CACNG2: variants seen among roughly 807,000 people sequenced by gnomAD.
CACNG2 encodes the protein calcium voltage-gated channel auxiliary subunit gamma 2.
CACNG2 carries 3 observed loss-of-function variants against 25.9 expected under a neutral mutation model. The ratio of observed to expected loss-of-function variants is 0.12; its 90% CI spans 0.05 to 0.30. The LOEUF (loss-of-function observed/expected upper bound fraction) is 0.30. CACNG2 is among the 10% of genes least tolerant of loss of function. The pLI is 1.00. For synonymous variants in CACNG2, 167 were observed against 173.3 expected, an observed-to-expected ratio of 0.96 and a Z score of 0.29; for missense variants, 341 against 432.5, an observed-to-expected ratio of 0.79 and a Z score of 1.88.
chr22:36,638,273 G>A (rs561689788), intron 1 of CACNG2, among the ~76,000 whole-genome samples: 11 of 152,264 alleles, frequency 7.2e-5, no homozygotes, highest in African/African-American at 2.6e-4. Context: ...CACAGAACAG[G>A]AGCAGATTGA....
intron 1 of CACNG2, among the ~76,000 whole-genome samples, chr22:36,605,379 C>T (rs893360600): frequency 2.0e-5 from 3 of 152,210 alleles, no homozygotes; most frequent in Admixed American, 6.5e-5. Context: ...CCGGCCCCAA[C>T]ATAACTTTTA....
chr22:36,583,442 A>G (rs5995313), intron 2 of CACNG2, among the ~76,000 whole-genome samples: 85,646 of 142,340 alleles, frequency 0.6, 25,191 homozygotes, highest in Middle Eastern at 0.68. Flanking sequence ...CAAAAAAAAA[A>G]GAAAAAAAAA....
intron 2 of CACNG2, among the ~76,000 whole-genome samples, chr22:36,581,986 C>T (rs568764836): frequency 1.4e-4 from 22 of 152,312 alleles, no homozygotes; most frequent in African/African-American, 4.8e-4. Context: ...TCCTTTGTCT[C>T]GAAATCCACA....
chr22:36,629,596 C>T (rs960355812), intron 1 of CACNG2, among the ~76,000 whole-genome samples: 1 of 151,652 alleles, frequency 6.6e-6, no homozygotes, highest in African/African-American at 2.4e-5. Context: ...CAGACCTGAA[C>T]TTGAAGGACA....
At chr22:36,643,492 CTAT>C (rs1936474466) in intron 1 of CACNG2, among the ~76,000 whole-genome samples, 1 of 151,544 alleles carries the variant, frequency 6.6e-6, no homozygotes, top group Admixed American at 6.6e-5. Context: ...ATCTATCTAT[CTAT>C]CTATCTATCT....
intron 2 of CACNG2, among the ~76,000 whole-genome samples, chr22:36,569,922 GGAAA>G (rs1273173590): frequency 2.6e-5 from 4 of 152,350 alleles, no homozygotes; most frequent in East Asian, 1.9e-4. Context: ...GAAGAGAGAA[GGAAA>G]GAAAGAAAGA....
intron 2 of CACNG2, among the ~76,000 whole-genome samples, chr22:36,583,442 AG>A (rs1935453807): frequency 7.0e-6 from 1 of 142,484 alleles, no homozygotes. Flanking sequence ...CAAAAAAAAA[AG>A]AAAAAAAAAA....
intron 1 of CACNG2, among the ~76,000 whole-genome samples, chr22:36,696,799 A>G (rs752107735): frequency 4.6e-5 from 7 of 152,204 alleles, no homozygotes; most frequent in Non-Finnish European, 7.3e-5. Flanking sequence ...GAGGACAGAC[A>G]TCCATTCATT....
intron 1 of CACNG2, among the ~76,000 whole-genome samples, chr22:36,660,943 ATG>A (rs1384712117): frequency 2.0e-5 from 3 of 152,230 alleles, no homozygotes; most frequent in African/African-American, 7.2e-5. Context: ...ACAGGATTAA[ATG>A]AGATACAGTG....
rs1935830377 is a variant in CACNG2, at chr22:36,606,206, TGA to T, written c.212-18660_212-18659del. Among the ~76,000 whole-genome samples the T allele has an allele frequency of 6.6e-6, 1 of 152,202 alleles. No homozygotes were observed. Among genetic ancestry groups the T allele is most frequent in the African/African-American group, 2.4e-5 (1 of 41,456 alleles). On this transcript the variant is annotated intron_variant, in intron 1 of 3. Coordinates refer to ENST00000300105, the MANE Select transcript of CACNG2 (RefSeq NM_006078.5). The surrounding 1 kb of genome is among the most constrained non-coding windows in gnomAD (Gnocchi z 5.7). ...AGACGGATTCCCCGTCCCCCAGAGC[TGA>T]GTCTTGAGAGGACCCTAGACAAATA...
At chr22:36,591,234 G>A (rs1466683749) in intron 1 of CACNG2, among the ~76,000 whole-genome samples, 1 of 152,110 alleles carries the variant, frequency 6.6e-6, no homozygotes, top group Non-Finnish European at 1.5e-5. Context: ...GTAGAGACGG[G>A]GTTTCACTGT....
At chr22:36,687,639 A>T (rs1937218377) in intron 1 of CACNG2, among the ~76,000 whole-genome samples, 1 of 152,196 alleles carries the variant, frequency 6.6e-6, no homozygotes, top group Admixed American at 6.5e-5. Flanking sequence ...GCCACATTGC[A>T]TGGGAAAGGG....
chr22:36,629,060 C>G (rs980266878), intron 1 of CACNG2, among the ~76,000 whole-genome samples: 1 of 152,038 alleles, frequency 6.6e-6, no homozygotes, highest in African/African-American at 2.4e-5. Flanking sequence ...GGCTCCAGTT[C>G]CAAAATGATT....
In CACNG2 at chr22:36,602,490, A is replaced by T. The variant is rs547208492; in HGVS notation, c.212-14942T>A. Among the ~76,000 whole-genome samples, 9 of 152,100 alleles carry T rather than the reference A, an allele frequency of 5.9e-5. No homozygotes were observed. In the South Asian group the frequency reaches 1.9e-3, roughly 32 times the overall value. On this transcript the variant is annotated intron_variant, in intron 1 of 3. Coordinates refer to ENST00000300105, the MANE Select transcript of CACNG2 (RefSeq NM_006078.5). ...AACCTTTGCCTCCTAGGTTCAAGCG[A>T]TTCTCTTGCCTCAGCTAGCCGAGTA...
intron 1 of CACNG2, among the ~76,000 whole-genome samples, chr22:36,680,196 C>T (rs1405755903): frequency 6.6e-6 from 1 of 151,748 alleles, no homozygotes; most frequent in Admixed American, 6.6e-5. Context: ...CCATCACTAC[C>T]ACCACCATCA....
intron 1 of CACNG2, among the ~76,000 whole-genome samples, chr22:36,643,161 C>T (rs1180621202): frequency 2.0e-5 from 3 of 147,374 alleles, no homozygotes; most frequent in African/African-American, 5.0e-5. Flanking sequence ...CTTTTTCCTT[C>T]CTTCCTTCTT....
chr22:36,594,371 C>A (rs974141688), intron 1 of CACNG2, among the ~76,000 whole-genome samples: 2 of 152,242 alleles, frequency 1.3e-5, no homozygotes, highest in African/African-American at 4.8e-5. Context: ...AATTGTTCAG[C>A]TATCATTTAT....
rs1317368407 is a variant in CACNG2 at position 36,703,040 on chromosome 22, CTG to C, written c.-466_-465del. 1 of 159,490 alleles carries C rather than the reference CTG, an allele frequency of 6.3e-6. No individual in the cohort carries two copies. The highest frequency in any genetic ancestry group is 1.4e-5 in the Non-Finnish European group (1 of 73,296). 9.9% of individuals were successfully genotyped at this position (159,490 alleles called of 1,614,324 possible). ...TGGTCGGGACCTAGACAGTTAGAGA[CTG>C]TGAGAGCCGAGATGCAACCTTCGGT... On this transcript the variant is annotated 5_prime_UTR_variant, in exon 1 of 4. The change creates a premature stop within an existing upstream ORF in the 5' untranslated region. Transcript: ENST00000300105.
intron 2 of CACNG2, among the ~76,000 whole-genome samples, chr22:36,580,579 G>C (rs1255918703): frequency 1.3e-5 from 2 of 152,064 alleles, no homozygotes; most frequent in African/African-American, 4.8e-5. Flanking sequence ...CCCCTGGAGG[G>C]AGTACGTCAG....
Sources: allele counts gnomAD v4.1 joint callset (sites outside exome capture counted in the v4.1 genomes callset), GRCh38; gene constraint gnomAD v4.1.1; non-coding constraint Gnocchi (gnomAD v3.1); transcripts MANE v1.5; gene names NCBI Gene and HGNC (gene_info 2026-07-23, HGNC 2026-07-21).